Variants in GXYLT2 observed in about 807,000 individuals in gnomAD.
GXYLT2 encodes glycosyltransferase 8 domain containing 4.
GXYLT2 carries 53 observed loss-of-function variants against 45.8 expected under a neutral mutation model. The observed-to-expected ratio is 1.16, with a 90% CI of 0.93 to 1.46. The LOEUF (loss-of-function observed/expected upper bound fraction) is 1.46. GXYLT2 is among the 40% of genes most tolerant of loss of function. GXYLT2 has a pLI of 0.00. For missense variants in GXYLT2, 551 were observed against 544.4 expected, an observed-to-expected ratio of 1.01 and a Z score of -0.12; for synonymous variants, 219 against 214.2, an observed-to-expected ratio of 1.02 and a Z score of -0.19.
intron 1 of GXYLT2, among the ~76,000 whole-genome samples, chr3:72,899,922 G>A (rs1709369526): frequency 6.6e-6 from 1 of 152,024 alleles, no homozygotes; most frequent in Admixed American, 6.6e-5. Flanking sequence ...TAAAACTAGT[G>A]GCCAACAGCA....
At chr3:72,895,269 G>C (rs556690774) in intron 1 of GXYLT2, among the ~76,000 whole-genome samples, 35 of 152,260 alleles carry the variant, frequency 2.3e-4, no homozygotes, top group Middle Eastern at 3.4e-3. Flanking sequence ...CTGGTGGCGG[G>C]GTTGGGGGGC....
chr3:72,904,599 A>G (rs1709469044), intron 1 of GXYLT2, among the ~76,000 whole-genome samples: 1 of 151,706 alleles, frequency 6.6e-6, no homozygotes, highest in Non-Finnish European at 1.5e-5. Flanking sequence ...AGAAGAGAAG[A>G]GGTGGCCTGC....
chr3:72,973,228 G>C (rs1711029791), intron 6 of GXYLT2, among the ~76,000 whole-genome samples: 1 of 152,196 alleles, frequency 6.6e-6, no homozygotes, highest in Non-Finnish European at 1.5e-5. Flanking sequence ...GCACCAGGGA[G>C]GCTGCTTGTA....
At chr3:72,900,419 T>A (rs1032732402) in intron 1 of GXYLT2, among the ~76,000 whole-genome samples, 2 of 152,116 alleles carry the variant, frequency 1.3e-5, no homozygotes, top group Admixed American at 1.3e-4. Flanking sequence ...ATCACAATTT[T>A]ATTTTTTTTT....
chr3:72,900,824 T>TAAC (rs71123999), intron 1 of GXYLT2, among the ~76,000 whole-genome samples: 39,332 of 152,060 alleles, frequency 0.26, 5,305 homozygotes, highest in Non-Finnish European at 0.29. Context: ...ATTTATTTAA[T>TAAC]AACTTTATTG....
intron 2 of GXYLT2, among the ~76,000 whole-genome samples, chr3:72,916,038 T>A (rs979736181): frequency 6.6e-6 from 1 of 151,892 alleles, no homozygotes; most frequent in African/African-American, 2.4e-5. Context: ...ATTTGGCACC[T>A]CCCTGACTCC....
At chr3:72,901,145 T>C (rs1575777084) in intron 1 of GXYLT2, among the ~76,000 whole-genome samples, 1 of 151,998 alleles carries the variant, frequency 6.6e-6, no homozygotes, top group Non-Finnish European at 1.5e-5. Context: ...AAAAATTAGC[T>C]AGGCGTGGTG....
chr3:72,891,584 AAGC>A (rs1709183702), intron 1 of GXYLT2, among the ~76,000 whole-genome samples: 1 of 152,210 alleles, frequency 6.6e-6, no homozygotes, highest in South Asian at 2.1e-4. Context: ...ACCATTCTGG[AAGC>A]AGCAGTCCCA....
intron 3 of GXYLT2, among the ~76,000 whole-genome samples, chr3:72,946,747 T>C (rs114224339): frequency 0.011 from 1,686 of 152,302 alleles, 31 homozygotes; most frequent in African/African-American, 0.038. Context: ...TTTTAACATA[T>C]GAACTTGGGG....
chr3:72,924,470 C>T (rs942378256), intron 3 of GXYLT2, among the ~76,000 whole-genome samples: 2 of 152,124 alleles, frequency 1.3e-5, no homozygotes, highest in African/African-American at 4.8e-5. Context: ...TCCCACAGTG[C>T]TGGAATTGCA....
Position 72,954,988 on chromosome 3 carries a change from A to G in GXYLT2, c.601-110A>G, listed in dbSNP as rs933184435. The G allele has an allele frequency of 3.0e-5, 33 of 1,108,336 alleles. No individual in the cohort carries two copies. The African/African-American group carries it at 5.0e-4, about 17-fold the overall frequency. The allele number at this position is 1,108,336 out of a possible 1,614,324, so 68.7% of individuals were successfully genotyped here. On this transcript the variant is annotated intron_variant, in intron 3 of 6. Coordinates refer to ENST00000389617, the MANE Select transcript of GXYLT2 (RefSeq NM_001080393.2). ...TTTCCAGAATTTAATACGAATCAAC[A>G]AAAGTTGGTAGCATTATTTACCTAT...
intron 3 of GXYLT2, among the ~76,000 whole-genome samples, chr3:72,952,734 TCTG>T (rs1710550650): frequency 6.6e-6 from 1 of 152,058 alleles, no homozygotes; most frequent in South Asian, 2.1e-4. Flanking sequence ...GAGAGCACTC[TCTG>T]GTGTCTCTTC....
intron 3 of GXYLT2, among the ~76,000 whole-genome samples, chr3:72,944,983 C>A (rs1042598341): frequency 1.3e-5 from 2 of 152,148 alleles, no homozygotes; most frequent in African/African-American, 4.8e-5. Flanking sequence ...CTTGAGTCTT[C>A]TGCACTTCAT....
intron 1 of GXYLT2, among the ~76,000 whole-genome samples, chr3:72,900,149 T>C (rs1438626284): frequency 6.6e-6 from 1 of 152,202 alleles, no homozygotes; most frequent in Non-Finnish European, 1.5e-5. Flanking sequence ...GGCTACAAAG[T>C]AAATAGCACT....
intron 1 of GXYLT2, among the ~76,000 whole-genome samples, chr3:72,905,353 A>C (rs1309865594): frequency 1.3e-5 from 2 of 152,096 alleles, no homozygotes; most frequent in African/African-American, 4.8e-5. Flanking sequence ...CCTGACCTCA[A>C]GTGGTCTGCC....
At chr3:72,915,629 G>T (rs994546259) in intron 2 of GXYLT2, among the ~76,000 whole-genome samples, 1 of 151,878 alleles carries the variant, frequency 6.6e-6, no homozygotes, top group Non-Finnish European at 1.5e-5. Context: ...CTGAGGTTGG[G>T]AGTTCGAGAC....
At position 72,964,765 on chromosome 3, in the gene GXYLT2, T is replaced by C. The variant is rs1344952672; in HGVS notation, c.977-2782T>C. 3.9e-5 allele frequency among the ~76,000 whole-genome samples: 6 copies of C among 152,364 alleles called. No homozygotes were observed. In the East Asian group the frequency reaches 9.6e-4, roughly 24 times the overall value. On this transcript the variant is annotated intron_variant, in intron 5 of 6. Coordinates refer to ENST00000389617, the MANE Select transcript of GXYLT2 (RefSeq NM_001080393.2). ...ACAGCAGACACTCAACAAATAGTCA[T>C]TGATTCAATCAATCAGTGTGTTTAC...
At chr3:72,922,474 C>A in intron 3 of GXYLT2, 139 bp downstream of exon 3, 1 of 792,862 alleles carries the variant, frequency 1.3e-6, no homozygotes, top group Non-Finnish European at 1.9e-6. Flanking sequence ...TCTAAGTCTG[C>A]AGCATGTAGA....
At chr3:72,906,071 T>G (rs1474257975) in intron 1 of GXYLT2, among the ~76,000 whole-genome samples, 1 of 152,234 alleles carries the variant, frequency 6.6e-6, no homozygotes, top group Non-Finnish European at 1.5e-5. Context: ...CGTAGTGTAT[T>G]TCAGCTAGTG....
Sources: gnomAD v4.1 joint callset for allele counts (sites outside exome capture counted in the v4.1 genomes callset) on GRCh38, gnomAD v4.1.1 for gene constraint, MANE v1.5 for transcripts, NCBI Gene and HGNC (gene_info 2026-07-23, HGNC 2026-07-21) for gene names.